PBRM1: variants seen among roughly 807,000 people sequenced by gnomAD.
The protein encoded by PBRM1 is polybromo 1.
In PBRM1, 27 loss-of-function variants were observed where a neutral mutation model predicts 194.5. The ratio of observed to expected loss-of-function variants is 0.14; its 90% CI spans 0.10 to 0.19. The LOEUF (loss-of-function observed/expected upper bound fraction) is 0.19. Ranked by LOEUF, PBRM1 falls within the 10% of genes least tolerant of loss-of-function variation. PBRM1 has a pLI of 1.00. For missense variants in PBRM1, 1,466 were observed against 2,077.2 expected, an observed-to-expected ratio of 0.71 and a Z score of 5.72; for synonymous variants, 655 against 693.2, an observed-to-expected ratio of 0.94 and a Z score of 0.87.
In PBRM1 at chr3:52,549,402, T is replaced by C. The variant is rs535050850; in HGVS notation, c.4897+1019A>G. Among the ~76,000 whole-genome samples, 54 of 151,874 alleles carry C rather than the reference T, an allele frequency of 3.6e-4. 1 individual carries two copies. The highest frequency in any genetic ancestry group is 1.3e-3 in the African/African-American group (54 of 41,418). ...GCTGGTCTCAAACTCCTGAACTCAA[T>C]CGATCTGTCCACTTCAGCCTCCCAA... On this transcript the variant is annotated intron_variant, in intron 29 of 29. Transcript: ENST00000296302.
chr3:52,682,959 G>GA (rs983935062), upstream of PBRM1, among the ~76,000 whole-genome samples: 2 of 152,064 alleles, frequency 1.3e-5, no homozygotes, highest in Non-Finnish European at 2.9e-5. Flanking sequence ...CAGCGCTTTG[G>GA]GAGGCTAAGG....
chr3:52,639,182 G>T (rs2095964527), intron 10 of PBRM1, among the ~76,000 whole-genome samples: 1 of 151,824 alleles, frequency 6.6e-6, no homozygotes, highest in Non-Finnish European at 1.5e-5. Context: ...CTCCATGTTG[G>T]CCAGGATGGT....
chr3:52,581,233 G>A (rs1024694904), intron 20 of PBRM1, among the ~76,000 whole-genome samples: 3 of 152,178 alleles, frequency 2.0e-5, no homozygotes, highest in African/African-American at 7.2e-5. Flanking sequence ...GGGAAGGCCG[G>A]GAGTGGTGGC....
intron 22 of PBRM1, among the ~76,000 whole-genome samples, chr3:52,566,297 T>A (rs927311615): frequency 6.6e-6 from 1 of 152,070 alleles, no homozygotes; most frequent in Non-Finnish European, 1.5e-5. Context: ...CTCCAAAAAG[T>A]TAAACACTGA....
chr3:52,562,332 A>C (rs1198701105), intron 24 of PBRM1, among the ~76,000 whole-genome samples: 1 of 151,544 alleles, frequency 6.6e-6, no homozygotes, highest in African/African-American at 2.4e-5. Flanking sequence ...GTCTCAAAAA[A>C]AAAAAAAAAA....
chr3:52,641,979 T>C (rs375639246), exon 10 of PBRM1: 1 of 1,607,570 alleles, frequency 6.2e-7, no homozygotes, highest in African/African-American at 1.3e-5. Context: ...CTTCTTCACT[T>C]TCTGAGCCAT....
At chr3:52,597,828 C>T (rs537972977) in intron 17 of PBRM1, among the ~76,000 whole-genome samples, 91 of 152,178 alleles carry the variant, frequency 6.0e-4, no homozygotes, top group African/African-American at 2.0e-3. Context: ...CTCAGCCTCC[C>T]GAGTAGCTGG....
exon 27 of PBRM1, chr3:52,554,785 C>G (rs1195704758): frequency 6.3e-7 from 1 of 1,587,540 alleles, no homozygotes; most frequent in Non-Finnish European, 8.5e-7. Context: ...GTGGAGGCCC[C>G]CCAGGGTGAA....
intron 25 of PBRM1, among the ~76,000 whole-genome samples, chr3:52,560,369 G>C (rs975442895): frequency 1.3e-5 from 2 of 152,166 alleles, no homozygotes; most frequent in African/African-American, 2.4e-5. Context: ...CTTTCAATAA[G>C]GTCAGAAATA....
chr3:52,564,401 G>A (rs1052063288), intron 22 of PBRM1, among the ~76,000 whole-genome samples, 168 bp from the exon 25 acceptor site: 1 of 152,190 alleles, frequency 6.6e-6, no homozygotes, highest in Non-Finnish European at 1.5e-5. Context: ...AGCACTTTGA[G>A]AGGCTGAAGT....
intron 17 of PBRM1, among the ~76,000 whole-genome samples, chr3:52,600,935 C>A (rs1327259409): frequency 6.6e-6 from 1 of 152,198 alleles, no homozygotes; most frequent in Middle Eastern, 3.2e-3. Context: ...CCGTGCCCAG[C>A]CGCTAAATTA....
intron 13 of PBRM1, among the ~76,000 whole-genome samples, chr3:52,622,288 A>T (rs904147398): frequency 1.4e-5 from 2 of 147,976 alleles, no homozygotes; most frequent in Non-Finnish European, 3.0e-5. Context: ...CAGTGAGCCA[A>T]GATCGTGCCA....
chr3:52,623,559 C>A (rs2095348772), intron 13 of PBRM1, among the ~76,000 whole-genome samples: 2 of 152,172 alleles, frequency 1.3e-5, no homozygotes, highest in South Asian at 4.1e-4. Flanking sequence ...AAAAACAAAA[C>A]CAAAATCTAC....
At chr3:52,608,883 A>G (rs891778178) in intron 16 of PBRM1, among the ~76,000 whole-genome samples, 2 of 152,166 alleles carry the variant, frequency 1.3e-5, no homozygotes, top group Non-Finnish European at 2.9e-5. Flanking sequence ...TGAGGTACTT[A>G]AAATGGTGAT....
intron 13 of PBRM1, 128 bp downstream of exon 14, chr3:52,627,145 A>C: frequency 1.9e-6 from 1 of 528,242 alleles, no homozygotes. Flanking sequence ...ATGAATTTTA[A>C]AAGAGAACAC....
chr3:52,622,361 C>CA (rs2095310701), intron 13 of PBRM1, among the ~76,000 whole-genome samples: 1 of 149,596 alleles, frequency 6.7e-6, no homozygotes, highest in Admixed American at 6.7e-5. Flanking sequence ...AAAAGAAAGA[C>CA]AAAAAAATAC....
In PBRM1 at chr3:52,571,566, C is replaced by T. The variant is rs1303640816; in HGVS notation, c.3691+4975G>A. 3.2e-5 allele frequency among the ~76,000 whole-genome samples: 4 copies of T among 123,216 alleles called. No homozygotes were observed. The East Asian group carries it at 8.0e-4, about 25-fold the overall frequency. 80.8% of individuals were successfully genotyped at this position (123,216 alleles called of 152,430 possible). Reference sequence around the variant, plus strand: ...GCTTGAACCCAGGAGGTGGAGGTTGCGGTGAACCGAGATTGCACCATTGCA... The same window carrying T: ...GCTTGAACCCAGGAGGTGGAGGTTGTGGTGAACCGAGATTGCACCATTGCA... On this transcript the variant is annotated intron_variant, in intron 22 of 29. Coordinates refer to ENST00000296302, the Ensembl canonical transcript of PBRM1.
At chr3:52,678,631 A>G in intron 1 of PBRM1, 34 bp from the exon 3 acceptor site, 3 of 1,345,210 alleles carry the variant, frequency 2.2e-6, no homozygotes, top group South Asian at 1.2e-5. Context: ...AAATCACTAA[A>G]AAAGTGAACA....
Position 52,607,470 on chromosome 3 carries a change from T to C in PBRM1, c.2567+1843A>G, listed in dbSNP as rs535346974. On this transcript the variant is annotated intron_variant, in intron 16 of 29. Coordinates refer to ENST00000296302, the Ensembl canonical transcript of PBRM1. ...ATGAAAAGAGCTAATTTCCTAGAGA[T>C]ACAAATCTTAATTCTTAAAATAAAC... Among the ~76,000 whole-genome samples, 5 of 152,280 alleles carry C rather than the reference T, an allele frequency of 3.3e-5. No individual in the cohort carries two copies. The East Asian group carries it at 9.6e-4, about 29-fold the overall frequency.
Sources: gnomAD v4.1 joint callset for allele counts (sites outside exome capture counted in the v4.1 genomes callset) on GRCh38, gnomAD v4.1.1 for gene constraint, MANE v1.5 for transcripts, NCBI Gene and HGNC (gene_info 2026-07-23, HGNC 2026-07-21) for gene names.